The following FRMD5 variants were observed in gnomAD, a reference collection of about 807,000 sequenced individuals.
FRMD5 encodes the protein FERM domain-containing protein 5.
A neutral mutation model predicts 69.0 loss-of-function variants in FRMD5; 20 were observed. That is an observed-to-expected ratio of 0.29 (90% confidence interval 0.20 to 0.42). The LOEUF is 0.42. Among genes scored for constraint, FRMD5 ranks in the 10% least tolerant of loss-of-function variants. The pLI is 1.00. For missense variants in FRMD5, 595 were observed against 708.6 expected (o/e 0.84, Z 1.82); for synonymous variants, 271 against 260.1 (o/e 1.04, Z -0.40).
chr15:43,915,878 T>C (rs1453079448), intron 4 of FRMD5, among the ~76,000 whole-genome samples: 2 of 152,066 alleles, frequency 1.3e-5, no homozygotes, highest in Admixed American at 6.6e-5. Flanking sequence ...CAAGGTGGGA[T>C]GGAGGGCTCT....
chr15:43,937,982 T>C (rs888194741), intron 1 of FRMD5, among the ~76,000 whole-genome samples: 1 of 152,062 alleles, frequency 6.6e-6, no homozygotes, highest in African/African-American at 2.4e-5. Context: ...GCCTACCATG[T>C]GCAGGCTGGG....
At chr15:44,023,758 T>C (rs1049515701) in intron 1 of FRMD5, among the ~76,000 whole-genome samples, 5 of 152,216 alleles carry the variant, frequency 3.3e-5, no homozygotes, top group African/African-American at 7.2e-5. Flanking sequence ...TGTCACTTTT[T>C]ACTATATTAA....
intron 1 of FRMD5, among the ~76,000 whole-genome samples, chr15:44,070,593 A>G (rs763817209): frequency 6.6e-6 from 1 of 152,196 alleles, no homozygotes; most frequent in African/African-American, 2.4e-5. Flanking sequence ...CTCAAATATT[A>G]TAAGAATCAA....
chr15:43,925,983 A>G (rs147516881), intron 1 of FRMD5, among the ~76,000 whole-genome samples: 1 of 152,300 alleles, frequency 6.6e-6, no homozygotes, highest in African/African-American at 2.4e-5. Context: ...TCTATTTACT[A>G]TCTGCTTCCT....
chr15:44,027,078 T>A (rs1220009638), intron 1 of FRMD5, among the ~76,000 whole-genome samples: 1 of 152,126 alleles, frequency 6.6e-6, no homozygotes, highest in South Asian at 2.1e-4. Flanking sequence ...ACAGAAAGGA[T>A]CCCATGGTTG....
intron 1 of FRMD5, among the ~76,000 whole-genome samples, chr15:44,128,829 G>A (rs1360200542): frequency 6.6e-6 from 1 of 151,706 alleles, no homozygotes; most frequent in Non-Finnish European, 1.5e-5. Context: ...GGAAATTAAA[G>A]GAGCTAAAAA....
intron 1 of FRMD5, among the ~76,000 whole-genome samples, chr15:43,967,536 T>C (rs1258887441): frequency 6.6e-6 from 1 of 152,136 alleles, no homozygotes; most frequent in Non-Finnish European, 1.5e-5. Flanking sequence ...CAGACCACTT[T>C]CAGAAATATT....
intron 1 of FRMD5, among the ~76,000 whole-genome samples, chr15:44,094,489 G>A (rs77112827): frequency 0.034 from 5,133 of 152,160 alleles, 250 homozygotes; most frequent in African/African-American, 0.1. Flanking sequence ...ACGTTTTATT[G>A]AGCCACCAAA....
At chr15:44,041,407 G>C (rs976807648) in intron 1 of FRMD5, among the ~76,000 whole-genome samples, 3 of 151,192 alleles carry the variant, frequency 2.0e-5, no homozygotes, top group Non-Finnish European at 4.4e-5. Flanking sequence ...GCACCACATT[G>C]CGCTTATTCT....
intron 1 of FRMD5, among the ~76,000 whole-genome samples, chr15:44,145,889 T>C (rs1292891567): frequency 1.3e-5 from 2 of 152,214 alleles, no homozygotes; most frequent in Admixed American, 6.5e-5. Flanking sequence ...AAACATATCA[T>C]ACTAAGGGAG....
chr15:44,026,907 T>C (rs1891452326), intron 1 of FRMD5, among the ~76,000 whole-genome samples: 1 of 152,250 alleles, frequency 6.6e-6, no homozygotes, highest in Admixed American at 6.5e-5. Flanking sequence ...ACCAGTTCTT[T>C]TGCTTGCCTC....
intron 1 of FRMD5, among the ~76,000 whole-genome samples, chr15:43,973,525 A>T (rs7172717): frequency 0.028 from 4,141 of 148,342 alleles, 160 homozygotes; most frequent in East Asian, 0.095. Context: ...CCACCACCAC[A>T]CCCAGCTAGT....
At chr15:44,129,460 G>A (rs1873104620) in intron 1 of FRMD5, among the ~76,000 whole-genome samples, 1 of 152,134 alleles carries the variant, frequency 6.6e-6, no homozygotes, top group Non-Finnish European at 1.5e-5. Context: ...AGAATCCAGT[G>A]AGGAGTGATG....
chr15:44,084,587 A>G (rs1443161715), intron 1 of FRMD5, among the ~76,000 whole-genome samples: 1 of 152,080 alleles, frequency 6.6e-6, no homozygotes, highest in Non-Finnish European at 1.5e-5. Context: ...GCACAGACTT[A>G]AACCTTTTTT....
intron 1 of FRMD5, among the ~76,000 whole-genome samples, chr15:44,055,528 C>A (rs1892837055): frequency 6.6e-6 from 1 of 152,138 alleles, no homozygotes; most frequent in African/African-American, 2.4e-5. Context: ...ACTATACACA[C>A]TACAAGCTTT....
At chr15:43,981,850 GCAGTTCTC>G (rs2090553231) in intron 1 of FRMD5, among the ~76,000 whole-genome samples, 1 of 152,176 alleles carries the variant, frequency 6.6e-6, no homozygotes, top group Non-Finnish European at 1.5e-5. Context: ...GTTAACTCTT[GCAGTTCTC>G]CAAGATCCAT....
At chr15:44,173,600 C>T (rs1280809714) in intron 1 of FRMD5, among the ~76,000 whole-genome samples, 1 of 152,110 alleles carries the variant, frequency 6.6e-6, no homozygotes, top group African/African-American at 2.4e-5. Context: ...TCACTGTAAC[C>T]TCCAGGTTCA....
At chr15:43,976,449 CAACGCAATTTTTTTAA>C (rs984287050) in intron 1 of FRMD5, among the ~76,000 whole-genome samples, 4 of 152,188 alleles carry the variant, frequency 2.6e-5, no homozygotes, top group African/African-American at 9.6e-5. Context: ...AAAAAACAAG[CAACGCAATTTTTTTAA>C]AAAGGCAAAA....
intron 1 of FRMD5, among the ~76,000 whole-genome samples, chr15:44,015,678 T>C (rs1319543602): frequency 1.3e-5 from 2 of 152,080 alleles, no homozygotes; most frequent in Non-Finnish European, 2.9e-5. Flanking sequence ...AGACAAAAAC[T>C]TCAGGGTTGG....
Sources: gnomAD v4.1 joint callset for allele counts (sites outside exome capture counted in the v4.1 genomes callset) on GRCh38, gnomAD v4.1.1 for gene constraint, MANE v1.5 for transcripts, NCBI Gene and HGNC (gene_info 2026-07-23, HGNC 2026-07-21) for gene names.